Variants in UCHL1 observed in about 807,000 individuals in gnomAD.
The protein encoded by UCHL1 is ubiquitin carboxyl-terminal hydrolase isozyme L1.
In UCHL1, 5 loss-of-function variants were observed where a neutral mutation model predicts 33.3. The observed-to-expected ratio is 0.15, with a 90% CI of 0.08 to 0.32. The LOEUF (loss-of-function observed/expected upper bound fraction) is 0.32. Ranked by LOEUF, UCHL1 falls within the 10% of genes least tolerant of loss-of-function variation. The pLI is 1.00. For missense variants in UCHL1, 236 were observed against 280.0 expected (o/e 0.84, Z 1.12); for synonymous variants, 132 against 108.8 (o/e 1.21, Z -1.33).
intron 2 of UCHL1, 146 bp from the exon 3 acceptor site, chr4:41,257,463 C>T (rs1196754048): frequency 8.7e-7 from 1 of 1,145,870 alleles, no homozygotes; most frequent in African/African-American, 1.7e-5. Flanking sequence ...TGCGCCGGCC[C>T]GGGTGGGGGT....
chr4:41,261,988 G>A, intron 6 of UCHL1, 65 bp downstream of exon 6: 8 of 1,592,180 alleles, frequency 5.0e-6, no homozygotes, highest in Admixed American at 1.7e-5. Context: ...CTGAAATTGT[G>A]CAGGAATCTC....
chr4:41,261,726 G>A lies in UCHL1; in HGVS notation c.337G>A (p.Val113Ile). 1 of 1,612,420 alleles carries A rather than the reference G, an allele frequency of 6.2e-7. No individual in the cohort carries two copies. Among genetic ancestry groups the A allele is most frequent in the Non-Finnish European group, 8.5e-7 (1 of 1,180,008 alleles). ...QDKLGFEDGSVLKQFLSETEK... is the reference protein window; with the variant it reads ...QDKLGFEDGSILKQFLSETEK... ...ATTTTTTTTTTAAGAGGATGGATCA[G>A]TTCTGAAACAGTTTCTTTCTGAAAC... The change falls in exon 5 of 9, where the codon GTT (valine) becomes ATT (isoleucine). Residue 113 changes from valine (V) to isoleucine (I), a missense_variant. Val to Ile is a conservative substitution (Grantham distance 29). Transcript: ENST00000284440.
chr4:41,257,236 G>C, intron 2 of UCHL1, 110 bp downstream of exon 2: 1 of 1,544,450 alleles, frequency 6.5e-7, no homozygotes. Context: ...TGCGAGCACC[G>C]GAGACGGCCG....
chr4:41,264,186 T>TTA, intron 8 of UCHL1, 25 bp downstream of exon 8: 1 of 1,614,070 alleles, frequency 6.2e-7, no homozygotes, highest in South Asian at 1.1e-5. Flanking sequence ...GCATCTCTTC[T>TTA]TAATGTGCCT....
chr4:41,263,275 C>T lies in UCHL1; in HGVS notation c.510C>T (p.Gly170=). Residue 170 remains glycine, a synonymous_variant, in exon 7 of 9, where the codon GGC becomes GGT. Transcript: ENST00000284440. Reference sequence around the variant, plus strand: ...TTATTCTGTTTAACAACGTGGATGGCCACCTCTATGAACTTGGTATGTTTT... The same window carrying T: ...TTATTCTGTTTAACAACGTGGATGGTCACCTCTATGAACTTGGTATGTTTT... ...FHFILFNNVD[G]HLYELDGRMP... The T allele has an allele frequency of 6.2e-7, 1 of 1,613,996 alleles. No homozygotes were observed. Among genetic ancestry groups the T allele is most frequent in the South Asian group, 1.1e-5 (1 of 91,074 alleles).
chr4:41,261,269 A>T (rs1781064006), intron 4 of UCHL1, among the ~76,000 whole-genome samples: 1 of 152,222 alleles, frequency 6.6e-6, no homozygotes, highest in Non-Finnish European at 1.5e-5. Flanking sequence ...TTATTAGAAC[A>T]TGATTATAGC....
chr4:41,264,215 T>G (rs1781119591), intron 8 of UCHL1, 54 bp downstream of exon 8: 1 of 1,609,766 alleles, frequency 6.2e-7, no homozygotes, highest in East Asian at 2.2e-5. Flanking sequence ...TTTGGCTAAA[T>G]TTTCTATTCT....
At chr4:41,262,731 C>T (rs535688291) in intron 6 of UCHL1, among the ~76,000 whole-genome samples, 3 of 152,138 alleles carry the variant, frequency 2.0e-5, no homozygotes, top group Non-Finnish European at 4.4e-5. Context: ...CTCAGCCTCC[C>T]GAGTAGCTGG....
intron 5 of UCHL1, 32 bp downstream of exon 5, chr4:41,261,832 T>G (rs771646598): frequency 6.2e-7 from 1 of 1,614,160 alleles, no homozygotes; most frequent in East Asian, 2.2e-5. Flanking sequence ...GGCCTTTAAA[T>G]AACTCTAGAG....
intron 8 of UCHL1, among the ~76,000 whole-genome samples, chr4:41,266,466 T>C (rs1247723804): frequency 6.6e-6 from 1 of 152,174 alleles, no homozygotes. Flanking sequence ...ACGTTAGCTC[T>C]ATAGAAGATG....
Position 41,261,703 on chromosome 4 carries a change from T to C in UCHL1, c.326-12T>C. The C allele has an allele frequency of 1.9e-6, 3 of 1,608,466 alleles. No homozygotes were observed. In the African/African-American group the frequency reaches 4.0e-5, roughly 22 times the overall value. On this transcript the variant is annotated splice_polypyrimidine_tract_variant and intron_variant, in intron 4 of 8. Coordinates refer to ENST00000284440, the MANE Select transcript of UCHL1 (RefSeq NM_004181.5). ...ATTTTACCTATACTAACACATCCAT[T>C]TTTTTTTTAAGAGGATGGATCAGTT...
At chr4:41,257,419 C>A in intron 2 of UCHL1, 190 bp from the exon 3 acceptor site, 1 of 932,258 alleles carries the variant, frequency 1.1e-6, no homozygotes, top group Non-Finnish European at 1.5e-6. Context: ...GCTTCGCGGG[C>A]GCCACGTGTG....
Position 41,260,701 on chromosome 4 carries a change from C to T in UCHL1, c.229C>T (p.Pro77Ser). The T allele has an allele frequency of 6.2e-7, 1 of 1,614,186 alleles. No individual in the cohort carries two copies. Among genetic ancestry groups the T allele is most frequent in the Middle Eastern group, 1.6e-4 (1 of 6,062 alleles). ...IEELKGQEVS[P>S]KVYFMKQTIG... ...AGAGCTGAAGGGACAAGAAGTTAGT[C>T]CTAAAGTGTACTTCATGAAGCAGAC... Residue 77 changes from proline (P) to serine (S), a missense_variant, in exon 4 of 9, where the codon CCT becomes TCT. By Grantham distance (74) the Pro-to-Ser change is moderately conservative. Transcript: ENST00000284440.
intron 8 of UCHL1, among the ~76,000 whole-genome samples, chr4:41,264,881 T>C (rs1326269394): frequency 6.6e-6 from 1 of 152,234 alleles, no homozygotes; most frequent in Non-Finnish European, 1.5e-5. Flanking sequence ...AAGATATAAC[T>C]ATACTTAATT....
chr4:41,262,624 C>A, intron 6 of UCHL1, among the ~76,000 whole-genome samples: 1 of 143,166 alleles, frequency 7.0e-6, no homozygotes. Context: ...ATCTCAGTGT[C>A]CTTTTTAAAA....
intron 3 of UCHL1, among the ~76,000 whole-genome samples, chr4:41,260,394 G>C (rs1781051639): frequency 6.6e-6 from 1 of 152,190 alleles, no homozygotes; most frequent in South Asian, 2.1e-4. Context: ...ACAGCCTTGG[G>C]CAGTATCCAA....
chr4:41,267,879 G>A, intron 8 of UCHL1, 108 bp from the exon 9 acceptor site: 1 of 994,556 alleles, frequency 1.0e-6, no homozygotes, highest in Non-Finnish European at 1.5e-6. Context: ...TGGAATTAAA[G>A]TTGATGAGGG....
chr4:41,260,049 A>G (rs1781046079), intron 3 of UCHL1, among the ~76,000 whole-genome samples: 1 of 152,236 alleles, frequency 6.6e-6, no homozygotes, highest in Non-Finnish European at 1.5e-5. Context: ...TTCCTCTTGT[A>G]AAATCACAGC....
chr4:41,262,454 G>C lies in UCHL1; in HGVS notation c.459+531G>C, dbSNP rs966849563. On this transcript the variant is annotated intron_variant, in intron 6 of 8. Coordinates refer to ENST00000284440, the MANE Select transcript of UCHL1 (RefSeq NM_004181.5). ...CTGTCTCAATAACAGAAACAAATGA[G>C]TCTTATAGAGTGTACACCTCTCCTA... 2.6e-5 allele frequency among the ~76,000 whole-genome samples: 4 copies of C among 152,250 alleles called. No homozygotes were observed. In the South Asian group the frequency reaches 8.3e-4, roughly 32 times the overall value.
Sources: allele counts gnomAD v4.1 joint callset (sites outside exome capture counted in the v4.1 genomes callset), GRCh38; gene constraint gnomAD v4.1.1; transcripts MANE v1.5; gene names NCBI Gene and HGNC (gene_info 2026-07-23, HGNC 2026-07-21).